The following LDB3 variants were observed in gnomAD, a reference collection of about 807,000 sequenced individuals.
LDB3 encodes the protein LIM domain binding 3, also known as LIM domain-binding protein 3.
LDB3 carries 49 observed loss-of-function variants against 69.0 expected under a neutral mutation model. The ratio of observed to expected loss-of-function variants is 0.71; its 90% CI spans 0.56 to 0.90. The LOEUF is 0.90. Among genes scored for constraint, LDB3 ranks in the 40% least tolerant of loss-of-function variants. The pLI is 0.00. For synonymous variants in LDB3, 387 were observed against 396.2 expected (o/e 0.98, Z 0.28); for missense variants, 928 against 974.1 (o/e 0.95, Z 0.63).
At chr10:86,692,164 C>A in intron 6 of LDB3, 99 bp downstream of exon 6, 1 of 1,392,168 alleles carries the variant, frequency 7.2e-7, no homozygotes. Context: ...GTCCTGCTAC[C>A]TGCCCTTGAA....
At chr10:86,685,293 A>G (rs181944430) in intron 5 of LDB3, among the ~76,000 whole-genome samples, 1 of 152,302 alleles carries the variant, frequency 6.6e-6, no homozygotes, top group Admixed American at 6.5e-5. Flanking sequence ...AGCCTTTTCC[A>G]TAGCAGCCAC....
At chr10:86,695,774 C>A (rs1845968370) in intron 7 of LDB3, among the ~76,000 whole-genome samples, 1 of 152,208 alleles carries the variant, frequency 6.6e-6, no homozygotes, top group African/African-American at 2.4e-5. Flanking sequence ...AAGGTCAGAT[C>A]CACATTGGGC....
At position 86,735,256 on chromosome 10, in the gene LDB3, A is replaced by AAC. The variant is rs1554872197; in HGVS notation, c.*2281_*2282insCA. The AAC allele has an allele frequency of 1.3e-5, 2 of 151,238 alleles. No homozygotes were observed. The highest frequency in any genetic ancestry group is 4.9e-5 in the African/African-American group (2 of 41,034). 9.4% of individuals were successfully genotyped at this position (151,238 alleles called of 1,614,324 possible). The stretch of plus-strand genomic sequence containing the variant: ...GCCAAAAAGACAAAACTAGCAAAAA[A>AAC]AAAACAAAAAAACAAAAAAAAAACC... On this transcript the variant is annotated 3_prime_UTR_variant, in exon 14 of 14. Coordinates refer to ENST00000361373, the MANE Select transcript of LDB3 (RefSeq NM_007078.3).
intron 8 of LDB3, among the ~76,000 whole-genome samples, chr10:86,706,987 T>G (rs969970197): frequency 2.6e-5 from 4 of 152,138 alleles, no homozygotes; most frequent in Non-Finnish European, 5.9e-5. Context: ...CTCTGACACA[T>G]ATACCAGTGA....
chr10:86,677,461 T>C (rs1265748861), intron 2 of LDB3, among the ~76,000 whole-genome samples: 1 of 152,186 alleles, frequency 6.6e-6, no homozygotes, highest in East Asian at 1.9e-4. Flanking sequence ...CACCAAAGCA[T>C]TCAGTGTGCT....
At chr10:86,694,638 G>C (rs1845922004) in intron 7 of LDB3, among the ~76,000 whole-genome samples, 2 of 152,216 alleles carry the variant, frequency 1.3e-5, no homozygotes, top group Admixed American at 1.3e-4. Context: ...CGTGGGCAGA[G>C]CCACCCATGT....
chr10:86,670,987 C>A (rs945986266), intron 2 of LDB3, among the ~76,000 whole-genome samples: 1 of 152,186 alleles, frequency 6.6e-6, no homozygotes, highest in African/African-American at 2.4e-5. Context: ...CCGGGGCTCG[C>A]AGGGCCCTTC....
intron 12 of LDB3, among the ~76,000 whole-genome samples, chr10:86,723,311 T>TGGATA (rs1379652531): frequency 7.7e-6 from 1 of 130,032 alleles, no homozygotes; most frequent in Non-Finnish European, 1.6e-5. Context: ...GATGGATGAA[T>TGGATA]GGATAGGATG....
In LDB3 at chr10:86,700,947, T is replaced by C. The variant is rs533169397; in HGVS notation, c.897-5584T>C. On this transcript the variant is annotated intron_variant, in intron 7 of 13. Transcript: ENST00000361373. Reference sequence around the variant, plus strand: ...CCTCAAGGCTGTCCTGCCTTTTCTGTGGCTGGGCTAGCCAGAGCTCTGCGC... The same window carrying C: ...CCTCAAGGCTGTCCTGCCTTTTCTGCGGCTGGGCTAGCCAGAGCTCTGCGC... Among the ~76,000 whole-genome samples, 4 of 152,358 alleles carry C rather than the reference T, an allele frequency of 2.6e-5. No homozygotes were observed. In the East Asian group the frequency reaches 7.7e-4, roughly 29 times the overall value.
In LDB3 at chr10:86,670,733, G is replaced by T. The variant is rs550495682; in HGVS notation, c.93+1949G>T. 3.5e-4 allele frequency among the ~76,000 whole-genome samples: 53 copies of T among 152,352 alleles called. 1 individual carries two copies. The South Asian group carries it at 0.011, about 32-fold the overall frequency. On this transcript the variant is annotated intron_variant, in intron 2 of 13. Coordinates refer to ENST00000361373, the MANE Select transcript of LDB3 (RefSeq NM_007078.3). ...TCTAAAAATAGAACCCGAAGCTCGG[G>T]CAGGGCACCGGGGGATGGGCATGAT...
chr10:86,698,931 A>C (rs562268087), intron 7 of LDB3, among the ~76,000 whole-genome samples: 20 of 152,180 alleles, frequency 1.3e-4, no homozygotes, highest in Non-Finnish European at 2.2e-4. Context: ...CCCTCACTAC[A>C]TGGACCAGGG....
At chr10:86,689,159 T>A (rs1023621185) in intron 5 of LDB3, among the ~76,000 whole-genome samples, 11 of 152,144 alleles carry the variant, frequency 7.2e-5, no homozygotes, top group African/African-American at 2.7e-4. Flanking sequence ...CCCATTCCCA[T>A]AACTCGTTTC....
chr10:86,671,752 C>T (rs528946150), intron 2 of LDB3, among the ~76,000 whole-genome samples: 9 of 152,334 alleles, frequency 5.9e-5, no homozygotes, highest in South Asian at 4.1e-4. Flanking sequence ...TTAGGCTCTG[C>T]TGCTCTCAGC....
chr10:86,678,491 C>T (rs1044460606), intron 2 of LDB3, among the ~76,000 whole-genome samples: 2 of 152,010 alleles, frequency 1.3e-5, no homozygotes, highest in Admixed American at 6.6e-5. Flanking sequence ...AGGCGCCCAC[C>T]ACCAGGCATG....
chr10:86,698,499 C>T (rs1389635630), intron 7 of LDB3, among the ~76,000 whole-genome samples: 1 of 152,164 alleles, frequency 6.6e-6, no homozygotes, highest in Non-Finnish European at 1.5e-5. Context: ...GTGCTCTCTT[C>T]CTCCATTCAT....
intron 9 of LDB3, among the ~76,000 whole-genome samples, chr10:86,712,387 G>C (rs892091377): frequency 3.9e-5 from 6 of 152,228 alleles, no homozygotes; most frequent in Non-Finnish European, 7.3e-5. Context: ...AGGCAGGAAA[G>C]GTGGGCCAGG....
At chr10:86,666,873 C>A (rs983835091), upstream of LDB3, 5 of 469,950 alleles carry the variant, frequency 1.1e-5, no homozygotes, top group Middle Eastern at 3.3e-4. Context: ...AGCTCCCTGG[C>A]CCTGAGGGTG....
chr10:86,710,483 G>C (rs1033795644), intron 9 of LDB3, among the ~76,000 whole-genome samples: 3 of 152,212 alleles, frequency 2.0e-5, no homozygotes, highest in Non-Finnish European at 4.4e-5. Flanking sequence ...CCAGCTACTC[G>C]GGAGGCTGAG....
At chr10:86,726,357 C>A in intron 13 of LDB3, 105 bp downstream of exon 13, 1 of 810,378 alleles carries the variant, frequency 1.2e-6, no homozygotes, top group Non-Finnish European at 2.1e-6. Context: ...AGCTTTCTGA[C>A]ATCCTGATCA....
Sources: gnomAD v4.1 joint callset for allele counts (sites outside exome capture counted in the v4.1 genomes callset) on GRCh38, gnomAD v4.1.1 for gene constraint, MANE v1.5 for transcripts, NCBI Gene and HGNC (gene_info 2026-07-23, HGNC 2026-07-21) for gene names.